Variants in CCSER1 observed in about 807,000 individuals in gnomAD.
The protein encoded by CCSER1 is serine-rich coiled-coil domain-containing protein 1.
Under a neutral mutation model 82.0 loss-of-function variants are expected in CCSER1, and 41 were observed. The ratio of observed to expected loss-of-function variants is 0.50; its 90% confidence interval spans 0.39 to 0.65. The LOEUF (loss-of-function observed/expected upper bound fraction) is 0.65. Among genes scored for constraint, CCSER1 ranks in the 30% least tolerant of loss-of-function variants. The pLI, the probability that CCSER1 is intolerant of heterozygous loss-of-function variation, is 0.00. For missense variants in CCSER1, 1,119 were observed against 1,064.2 expected (o/e 1.05, Z -0.72); for synonymous variants, 414 against 383.9 (o/e 1.08, Z -0.92).
At chr4:90,204,174 G>T (rs1198283639) in intron 1 of CCSER1, among the ~76,000 whole-genome samples, 3 of 152,140 alleles carry the variant, frequency 2.0e-5, no homozygotes, top group Non-Finnish European at 4.4e-5. Flanking sequence ...TTCTTTTGCT[G>T]TGCAGAAGCC....
chr4:90,980,387 T>A (rs1736003175), intron 9 of CCSER1, among the ~76,000 whole-genome samples: 1 of 151,830 alleles, frequency 6.6e-6, no homozygotes, highest in Non-Finnish European at 1.5e-5. Context: ...AGATAAGTCA[T>A]CTAAGGTCGT....
intron 10 of CCSER1, among the ~76,000 whole-genome samples, chr4:91,330,956 A>G (rs557152832): frequency 1.3e-5 from 2 of 152,322 alleles, no homozygotes; most frequent in East Asian, 1.9e-4. Flanking sequence ...AGCCTGGGAC[A>G]TGAATCATCC....
intron 10 of CCSER1, among the ~76,000 whole-genome samples, chr4:91,485,918 AAT>A (rs1201864582): frequency 1.3e-5 from 2 of 152,124 alleles, no homozygotes; most frequent in Non-Finnish European, 2.9e-5. Flanking sequence ...TATCTACATG[AAT>A]ATATTTTAAA....
At chr4:91,028,263 G>A (rs12646823) in intron 9 of CCSER1, among the ~76,000 whole-genome samples, 51,407 of 151,566 alleles carry the variant, frequency 0.34, 10,525 homozygotes, top group East Asian at 0.58. Context: ...TATCAGAATG[G>A]AGTGCTCTTC....
At chr4:91,123,512 G>A (rs181432303) in intron 10 of CCSER1, among the ~76,000 whole-genome samples, 1 of 151,754 alleles carries the variant, frequency 6.6e-6, no homozygotes, top group East Asian at 1.9e-4. Context: ...CTAAAGCATG[G>A]GGTCAGGAAA....
At chr4:90,604,361 AG>A (rs144584002) in intron 5 of CCSER1, among the ~76,000 whole-genome samples, 3,910 of 152,278 alleles carry the variant, frequency 0.026, 104 homozygotes, top group African/African-American at 0.059. Context: ...GGAGATGTAA[AG>A]ACTTGAATTT....
At chr4:91,130,511 T>G (rs1375490198) in intron 10 of CCSER1, among the ~76,000 whole-genome samples, 1 of 151,916 alleles carries the variant, frequency 6.6e-6, no homozygotes, top group Non-Finnish European at 1.5e-5. Flanking sequence ...GTTTCTCTCC[T>G]TCTTCATCCT....
chr4:90,547,373 T>C (rs1184388655), intron 5 of CCSER1, among the ~76,000 whole-genome samples: 1 of 152,098 alleles, frequency 6.6e-6, no homozygotes, highest in African/African-American at 2.4e-5. Flanking sequence ...AAAGTGTCTA[T>C]TTCTTCACAA....
intron 10 of CCSER1, among the ~76,000 whole-genome samples, chr4:91,489,754 C>CTCCA (rs1758413697): frequency 6.6e-6 from 1 of 151,460 alleles, no homozygotes; most frequent in African/African-American, 2.4e-5. Flanking sequence ...CTCCACTGCA[C>CTCCA]TCCAGCCTGG....
chr4:91,412,877 G>A (rs553875059), intron 10 of CCSER1, among the ~76,000 whole-genome samples: 4 of 152,152 alleles, frequency 2.6e-5, no homozygotes, highest in South Asian at 4.2e-4. Flanking sequence ...CCCTAAAGAA[G>A]GGGGGATCTA....
chr4:90,325,404 C>A (rs1274078601), intron 3 of CCSER1, among the ~76,000 whole-genome samples: 1 of 152,004 alleles, frequency 6.6e-6, no homozygotes, highest in Non-Finnish European at 1.5e-5. Flanking sequence ...TAGTTCATAT[C>A]CCTTTAAAAT....
At chr4:90,429,641 A>G (rs1393390031) in intron 4 of CCSER1, among the ~76,000 whole-genome samples, 3 of 151,874 alleles carry the variant, frequency 2.0e-5, no homozygotes, top group Non-Finnish European at 4.4e-5. Flanking sequence ...TGTTACGGAC[A>G]AGAATTAGTT....
At chr4:91,490,735 T>A (rs752714947) in intron 10 of CCSER1, among the ~76,000 whole-genome samples, 1 of 149,806 alleles carries the variant, frequency 6.7e-6, no homozygotes, top group Non-Finnish European at 1.5e-5. Flanking sequence ...ATCTAGTATA[T>A]GTTTTAAAAT....
chr4:90,358,896 G>C (rs1173752439), intron 3 of CCSER1, among the ~76,000 whole-genome samples: 1 of 152,116 alleles, frequency 6.6e-6, no homozygotes, highest in Non-Finnish European at 1.5e-5. Flanking sequence ...AGTCATTGTA[G>C]AGCATGCCAG....
At chr4:90,595,831 C>T (rs1438832340) in intron 5 of CCSER1, among the ~76,000 whole-genome samples, 9 of 151,846 alleles carry the variant, frequency 5.9e-5, no homozygotes, top group Middle Eastern at 6.3e-3. Context: ...AAGAACTTGA[C>T]ATTATTTTTT....
chr4:90,782,079 A>C, intron 7 of CCSER1: 1 of 546,344 alleles, frequency 1.8e-6, no homozygotes, highest in Non-Finnish European at 2.3e-6. Flanking sequence ...TTGAGTATTC[A>C]AGGATTAATT....
intron 6 of CCSER1, among the ~76,000 whole-genome samples, chr4:90,710,267 T>C (rs577389770): frequency 6.6e-6 from 1 of 151,950 alleles, no homozygotes; most frequent in African/African-American, 2.4e-5. Context: ...CTAGTGATAG[T>C]TTTTTGTTGT....
intron 6 of CCSER1, among the ~76,000 whole-genome samples, chr4:90,658,429 A>T (rs879223098): frequency 1.3e-5 from 2 of 152,128 alleles, no homozygotes; most frequent in Non-Finnish European, 2.9e-5. Context: ...TTTCCCCAGG[A>T]ACTCCTCTCC....
At chr4:90,835,148 G>A (rs1255597153) in intron 8 of CCSER1, among the ~76,000 whole-genome samples, 3 of 151,922 alleles carry the variant, frequency 2.0e-5, no homozygotes, top group African/African-American at 7.3e-5. Context: ...TGGCTAACAC[G>A]GTGAAACGCC....
Sources: gnomAD v4.1 joint callset for allele counts (sites outside exome capture counted in the v4.1 genomes callset) on GRCh38, gnomAD v4.1.1 for gene constraint, MANE v1.5 for transcripts, NCBI Gene and HGNC (gene_info 2026-07-23, HGNC 2026-07-21) for gene names.